CEP76: variants seen among roughly 807,000 people sequenced by gnomAD.
CEP76 encodes centrosomal protein of 76 kDa.
CEP76 carries 55 observed loss-of-function variants against 83.3 expected under a neutral mutation model. The ratio of observed to expected loss-of-function variants is 0.66; its 90% CI spans 0.53 to 0.83. The LOEUF is 0.83. Ranked by LOEUF, CEP76 falls within the 40% of genes least tolerant of loss-of-function variation. The pLI is 0.00. For missense variants in CEP76, 694 were observed against 799.5 expected (o/e 0.87, Z 1.59); for synonymous variants, 270 against 274.5 (o/e 0.98, Z 0.16).
chr18:12,700,767 T>C (rs562549609), intron 2 of CEP76, among the ~76,000 whole-genome samples, 191 bp downstream of exon 2: 7 of 152,256 alleles, frequency 4.6e-5, no homozygotes, highest in South Asian at 4.1e-4. Flanking sequence ...ACAAATTTCA[T>C]TGATACACAA....
intron 5 of CEP76, 21 bp downstream of exon 5, chr18:12,697,202 A>G (rs781370326): frequency 6.6e-7 from 1 of 1,525,984 alleles, no homozygotes; most frequent in African/African-American, 1.4e-5. Context: ...AAGGTTAACA[A>G]TGATATATTA....
At chr18:12,680,883 A>G in intron 8 of CEP76, 55 bp from the exon 9 acceptor site, 3 of 1,403,476 alleles carry the variant, frequency 2.1e-6, no homozygotes, top group Non-Finnish European at 2.9e-6. Context: ...TCCTCATTAC[A>G]TACTTAAATA....
At position 12,699,014 on chromosome 18, in the gene CEP76, T is replaced by C. The variant is rs1443082666; in HGVS notation, c.485A>G (p.Asp162Gly). 1 of 1,613,642 alleles carries C rather than the reference T, an allele frequency of 6.2e-7. No individual in the cohort carries two copies. Among genetic ancestry groups the C allele is most frequent in the African/African-American group, 1.3e-5 (1 of 75,046 alleles). The change falls in exon 4 of 12, where the codon GAT becomes GGT. Residue 162 changes from aspartate to glycine, a missense_variant. By Grantham distance (94) the Asp-to-Gly change is moderately conservative (BLOSUM62 -1). Coordinates refer to ENST00000262127, the MANE Select transcript of CEP76 (RefSeq NM_024899.4). Reference sequence around the variant, plus strand: ...TCTGTGTACTTCAAGTAAAAAGCCATCATGAAAATCTGGTTCACAGGCACA... The same window carrying C: ...TCTGTGTACTTCAAGTAAAAAGCCACCATGAAAATCTGGTTCACAGGCACA... ...VPCACEPDFHDGFLLEVHRES... is the reference protein window; with the variant it reads ...VPCACEPDFHGGFLLEVHRES...
chr18:12,691,439 C>G lies in CEP76; in HGVS notation c.853G>C (p.Val285Leu), dbSNP rs1166948073. 2 of 1,609,012 alleles carry G rather than the reference C, an allele frequency of 1.2e-6. No homozygotes were observed. The highest frequency in any genetic ancestry group is 2.2e-5 in the East Asian group (1 of 44,726). The change falls in exon 7 of 12, where the codon GTA becomes CTA. Residue 285 changes from valine to leucine, a missense_variant. By Grantham distance (32) the Val-to-Leu change is conservative. Transcript: ENST00000262127. The stretch of plus-strand genomic sequence containing the variant: ...TCTCTCCACCACTGCTTAGCATATA[C>G]AAGAAATAATCGCTCTTTCTCTGCA... ...KTAEKERLFL[V>L]YAKQWWREYL...
chr18:12,673,663 T>G (rs930920656), intron 11 of CEP76, among the ~76,000 whole-genome samples, 160 bp from the exon 12 acceptor site: 5 of 152,124 alleles, frequency 3.3e-5, no homozygotes, highest in Non-Finnish European at 5.9e-5. Flanking sequence ...GTGGATCACC[T>G]GAGGTCAGGA....
chr18:12,683,932 G>T (rs1024505427), intron 8 of CEP76, among the ~76,000 whole-genome samples: 3 of 151,206 alleles, frequency 2.0e-5, no homozygotes, highest in Admixed American at 1.3e-4. Context: ...AGAATTATAG[G>T]TAAAGTTTCA....
rs1162352623 is a variant in CEP76 at position 12,673,209 on chromosome 18, T to G, written c.*156A>C. On this transcript the variant is annotated 3_prime_UTR_variant, in exon 12 of 12. Transcript: ENST00000262127. ...TTAATTTTTAAAGGAATGCATGATT[T>G]TTTTTAAACATTACCAGTCAAGTAT... 2 of 1,343,526 alleles carry G rather than the reference T, an allele frequency of 1.5e-6. No homozygotes were observed. The highest frequency in any genetic ancestry group is 1.5e-5 in the African/African-American group (1 of 65,686). 83.2% of individuals were successfully genotyped at this position (1,343,526 alleles called of 1,614,324 possible).
rs1406927564 is a variant in CEP76, at chr18:12,678,202, G to C, written c.1530C>G (p.Pro510=). The C allele has an allele frequency of 6.2e-7, 1 of 1,614,166 alleles. No individual in the cohort carries two copies. Among genetic ancestry groups the C allele is most frequent in the Non-Finnish European group, 8.5e-7 (1 of 1,180,014 alleles). The change falls in exon 10 of 12, where the codon CCC becomes CCG. Residue 510 remains proline (P), a synonymous_variant. Coordinates refer to ENST00000262127, the MANE Select transcript of CEP76 (RefSeq NM_024899.4). ...CAPGATTSLP[P]FPPLCASTID... is the part of the protein sequence containing the mutation. The stretch of plus-strand genomic sequence containing the variant: ...TTGTGGATGCACACAGAGGTGGAAA[G>C]GGAGGAAGGGATGTTGTAGCTCCAG...
intron 6 of CEP76, among the ~76,000 whole-genome samples, chr18:12,693,600 T>C (rs2039844327): frequency 6.6e-6 from 1 of 152,038 alleles, no homozygotes; most frequent in Non-Finnish European, 1.5e-5. Context: ...CTGGCCAACA[T>C]GGTGAAACCC....
At chr18:12,694,299 TA>T (rs2039872193) in intron 6 of CEP76, among the ~76,000 whole-genome samples, 1 of 152,100 alleles carries the variant, frequency 6.6e-6, no homozygotes, top group Admixed American at 6.6e-5. Flanking sequence ...CACAGGTCTG[TA>T]AAAGGAACAA....
chr18:12,682,253 G>A (rs1207863527), intron 8 of CEP76, among the ~76,000 whole-genome samples: 2 of 150,838 alleles, frequency 1.3e-5, no homozygotes, highest in Non-Finnish European at 3.0e-5. Context: ...CTGCCTTGAC[G>A]TCCTCAGCTC....
At chr18:12,689,088 T>C (rs1010197724) in intron 7 of CEP76, among the ~76,000 whole-genome samples, 1 of 152,198 alleles carries the variant, frequency 6.6e-6, no homozygotes, top group Admixed American at 6.5e-5. Context: ...CACTCAACCC[T>C]GGGTGACTGA....
intron 7 of CEP76, among the ~76,000 whole-genome samples, chr18:12,687,661 A>G (rs2039591219): frequency 1.3e-5 from 2 of 151,792 alleles, no homozygotes; most frequent in East Asian, 3.9e-4. Context: ...GATGTTGACC[A>G]GGCTTGGTCT....
Position 12,674,477 on chromosome 18 carries a change from G to C in CEP76, c.1841+59C>G. ...AAAAAAGGAAATTAAAAAAACCCCT[G>C]CCGGACTGATCTGTAAGACTCCTAA... On this transcript the variant is annotated intron_variant, in intron 11 of 11. Transcript: ENST00000262127. 5 of 1,253,332 alleles carry C rather than the reference G, an allele frequency of 4.0e-6. No homozygotes were observed. The South Asian group carries it at 5.0e-5, about 13-fold the overall frequency. 77.6% of individuals were successfully genotyped at this position (1,253,332 alleles called of 1,614,324 possible).
intron 8 of CEP76, among the ~76,000 whole-genome samples, chr18:12,681,992 T>C (rs1469185403): frequency 6.7e-6 from 1 of 148,512 alleles, no homozygotes; most frequent in African/African-American, 2.5e-5. Context: ...TGAGACTCTG[T>C]CTCTAAAAAA....
chr18:12,673,384 T>G lies in CEP76; in HGVS notation c.1961A>C (p.Lys654Thr). 1 of 1,605,810 alleles carries G rather than the reference T, an allele frequency of 6.2e-7. No homozygotes were observed. Among genetic ancestry groups the G allele is most frequent in the Non-Finnish European group, 8.5e-7 (1 of 1,177,384 alleles). ...ACAVWIMFAC[K>T]YRSVL ...TTGGCCCTATAATACCGAGCGATAT[T>G]TACAAGCAAACATGATCCAAACAGC... The change falls in exon 12 of 12, where the codon AAA (lysine) becomes ACA (threonine). Residue 654 changes from lysine to threonine, a missense_variant. Transcript: ENST00000262127.
At chr18:12,691,163 A>G (rs1193126121) in intron 7 of CEP76, 196 bp downstream of exon 7, 2 of 408,850 alleles carry the variant, frequency 4.9e-6, no homozygotes, top group Non-Finnish European at 8.5e-6. Context: ...ACTGAAATTG[A>G]AAGTAAAATA....
chr18:12,680,608 A>C lies in CEP76; in HGVS notation c.1289+54T>G, dbSNP rs1019032428. 73 of 1,384,714 alleles carry C rather than the reference A, an allele frequency of 5.3e-5. 2 individuals carry two copies. Among genetic ancestry groups the C allele is most frequent in the Non-Finnish European group, 6.5e-5 (67 of 1,023,970 alleles). The allele number at this position is 1,384,714 out of a possible 1,614,324, so 85.8% of individuals were successfully genotyped here. A position where few individuals can be genotyped will look rare whatever the true frequency, so the allele number is the denominator to read the frequency against. Reference sequence around the variant, plus strand: ...CGAGACTCCATCTCAAAAAAAAAAAAAAAAAAAAACTTATAACTTCATTTT... The same window carrying C: ...CGAGACTCCATCTCAAAAAAAAAAACAAAAAAAAACTTATAACTTCATTTT... On this transcript the variant is annotated intron_variant, in intron 9 of 11. Transcript: ENST00000262127.
chr18:12,700,788 T>G (rs1283962999), intron 2 of CEP76, among the ~76,000 whole-genome samples, 170 bp downstream of exon 2: 1 of 152,128 alleles, frequency 6.6e-6, no homozygotes, highest in Non-Finnish European at 1.5e-5. Context: ...AACTATTCAG[T>G]ATATTCAAGG....
Sources: allele counts gnomAD v4.1 joint callset (sites outside exome capture counted in the v4.1 genomes callset), GRCh38; gene constraint gnomAD v4.1.1; transcripts MANE v1.5; gene names NCBI Gene and HGNC (gene_info 2026-07-23, HGNC 2026-07-21).